The following GAB2 variants were observed in gnomAD, a reference collection of about 807,000 sequenced individuals.
GAB2 encodes GRB2-associated-binding protein 2.
Under a neutral mutation model 65.5 loss-of-function variants are expected in GAB2, and 26 were observed. That is an observed-to-expected ratio of 0.40 (90% CI 0.29 to 0.55). GAB2 has a LOEUF of 0.55. Ranked by LOEUF, GAB2 falls within the 20% of genes least tolerant of loss-of-function variation. The probability of loss-of-function intolerance (pLI) is 0.53; values close to 1 mark genes in which losing one functional copy is unlikely to be tolerated. For missense variants in GAB2, 884 were observed against 875.8 expected (o/e 1.01, Z -0.12); for synonymous variants, 321 against 329.6 (o/e 0.97, Z 0.28).
intron 1 of GAB2, among the ~76,000 whole-genome samples, chr11:78,403,242 A>C (rs1196979251): frequency 1.3e-5 from 2 of 152,384 alleles, no homozygotes; most frequent in South Asian, 4.1e-4. Flanking sequence ...CGAAGTTTAA[A>C]TTTTTAAAAA....
chr11:78,364,915 G>A (rs145823753), intron 1 of GAB2, among the ~76,000 whole-genome samples: 9 of 151,964 alleles, frequency 5.9e-5, no homozygotes, highest in East Asian at 1.9e-4. Flanking sequence ...ATATATATAC[G>A]TCTATATAGT....
intron 1 of GAB2, among the ~76,000 whole-genome samples, chr11:78,353,893 G>C (rs1856318051): frequency 6.6e-6 from 1 of 151,910 alleles, no homozygotes; most frequent in Non-Finnish European, 1.5e-5. Flanking sequence ...ATAAAGAAGT[G>C]GTTCTCAAAC....
chr11:78,241,290 A>G (rs111937151), intron 3 of GAB2, among the ~76,000 whole-genome samples: 5,138 of 152,210 alleles, frequency 0.034, 276 homozygotes, highest in African/African-American at 0.12. Context: ...GAACACTAAA[A>G]CCCAACTGCA....
intron 1 of GAB2, among the ~76,000 whole-genome samples, chr11:78,379,906 G>A (rs766178538): frequency 6.6e-6 from 1 of 152,202 alleles, no homozygotes; most frequent in East Asian, 1.9e-4. Flanking sequence ...AGAAAAATTT[G>A]AAGACAATGT....
chr11:78,272,514 T>C (rs1477152581), intron 2 of GAB2, among the ~76,000 whole-genome samples: 1 of 152,148 alleles, frequency 6.6e-6, no homozygotes, highest in East Asian at 1.9e-4. Flanking sequence ...AGAGAGATGA[T>C]TCAGGGCATC....
At chr11:78,365,908 A>T (rs1353330079) in intron 1 of GAB2, among the ~76,000 whole-genome samples, 1 of 152,232 alleles carries the variant, frequency 6.6e-6, no homozygotes, top group Non-Finnish European at 1.5e-5. Context: ...GAATTTCGTG[A>T]ATATTCAGCC....
chr11:78,259,620 C>A (rs1041747202), intron 2 of GAB2, among the ~76,000 whole-genome samples: 2 of 152,252 alleles, frequency 1.3e-5, no homozygotes, highest in East Asian at 3.9e-4. Flanking sequence ...AGAGGAAATT[C>A]ATAAATTCAA....
intron 3 of GAB2, among the ~76,000 whole-genome samples, chr11:78,248,238 G>A (rs953729892): frequency 1.3e-5 from 2 of 152,134 alleles, no homozygotes; most frequent in African/African-American, 4.8e-5. Flanking sequence ...GAGGAGGTAG[G>A]GGTGCAGAGA....
At chr11:78,381,659 T>A (rs1257051673) in intron 1 of GAB2, among the ~76,000 whole-genome samples, 1 of 148,890 alleles carries the variant, frequency 6.7e-6, no homozygotes, top group Admixed American at 6.8e-5. Flanking sequence ...TACTAAAAAC[T>A]AAAAGGTAAA....
In GAB2 at chr11:78,252,950, C is replaced by T. The variant is rs187966730; in HGVS notation, c.377-2550G>A. Among the ~76,000 whole-genome samples, 585 of 151,998 alleles carry T rather than the reference C, an allele frequency of 3.8e-3. 1 individual carries two copies. The highest frequency in any genetic ancestry group is 0.013 in the African/African-American group (552 of 41,414). On this transcript the variant is annotated intron_variant, in intron 2 of 9. Coordinates refer to ENST00000361507, the MANE Select transcript of GAB2 (RefSeq NM_080491.3). ...GCAACCATGTCACGTCATTATGTCA[C>T]CGTCCCTCTTAAAACTCTTCTGTTA...
chr11:78,402,365 A>T (rs968971963), intron 1 of GAB2, among the ~76,000 whole-genome samples: 2 of 152,074 alleles, frequency 1.3e-5, no homozygotes, highest in Non-Finnish European at 2.9e-5. Context: ...CACTTGGCAC[A>T]TACTAATTGT....
rs751533828 is a variant in GAB2 at position 78,267,857 on chromosome 11, C to CAAAAAAAAAA, written c.376+12734_376+12743dup. On this transcript the variant is annotated intron_variant, in intron 2 of 9. Coordinates refer to ENST00000361507, the MANE Select transcript of GAB2 (RefSeq NM_080491.3). The stretch of plus-strand genomic sequence containing the variant: ...TGGGTGATAGAGCGAGACTCCGTCT[C>CAAAAAAAAAA]AAAAAAAAAAAAAAAAAAAAAAAAG... 3.4e-4 allele frequency among the ~76,000 whole-genome samples: 11 copies of CAAAAAAAAAA among 32,796 alleles called. 1 individual carries two copies. Among genetic ancestry groups the CAAAAAAAAAA allele is most frequent in the Admixed American group, 7.1e-4 (2 of 2,824 alleles). The allele number at this position is 32,796 out of a possible 152,430, so 21.5% of individuals were successfully genotyped here. A position where few individuals can be genotyped will look rare whatever the true frequency, so the allele number is the denominator to read the frequency against.
intron 1 of GAB2, among the ~76,000 whole-genome samples, chr11:78,387,826 C>A (rs1856787519): frequency 6.6e-6 from 1 of 152,164 alleles, no homozygotes; most frequent in East Asian, 1.9e-4. Context: ...ACCAACCAGG[C>A]ACTAGAGGAA....
At chr11:78,289,743 G>A (rs1166764518) in intron 1 of GAB2, among the ~76,000 whole-genome samples, 1 of 147,106 alleles carries the variant, frequency 6.8e-6, no homozygotes, top group Non-Finnish European at 1.5e-5. Flanking sequence ...GCACGAGAGA[G>A]AAGGAGCAAT....
chr11:78,387,195 T>C (rs1007822371), intron 1 of GAB2, among the ~76,000 whole-genome samples: 2 of 152,154 alleles, frequency 1.3e-5, no homozygotes, highest in Non-Finnish European at 2.9e-5. Context: ...GAATATCTTC[T>C]TTTTCTTTTC....
At chr11:78,390,090 G>T (rs2135062727) in intron 1 of GAB2, among the ~76,000 whole-genome samples, 1 of 152,302 alleles carries the variant, frequency 6.6e-6, no homozygotes, top group East Asian at 1.9e-4. Context: ...AAAGAAAATA[G>T]TACTCACTGG....
chr11:78,328,721 C>T (rs1855866166), intron 1 of GAB2, among the ~76,000 whole-genome samples: 2 of 115,976 alleles, frequency 1.7e-5, no homozygotes, highest in African/African-American at 6.8e-5. Flanking sequence ...CTAAAACAGG[C>T]AAAACTAATC....
chr11:78,220,894 C>A (rs1239087902), intron 8 of GAB2, among the ~76,000 whole-genome samples: 3 of 152,296 alleles, frequency 2.0e-5, no homozygotes, highest in African/African-American at 7.2e-5. Context: ...GGAAAGTTTT[C>A]TTCTGTCGCA....
intron 1 of GAB2, among the ~76,000 whole-genome samples, chr11:78,369,462 T>C (rs1176794251): frequency 6.6e-6 from 1 of 152,230 alleles, no homozygotes; most frequent in Non-Finnish European, 1.5e-5. Flanking sequence ...TACCAAAATC[T>C]GGGATGTGAA....
Sources: allele counts gnomAD v4.1 joint callset (sites outside exome capture counted in the v4.1 genomes callset), GRCh38; gene constraint gnomAD v4.1.1; transcripts MANE v1.5; gene names NCBI Gene and HGNC (gene_info 2026-07-23, HGNC 2026-07-21).